OSBPL1A: variants seen among roughly 807,000 people sequenced by gnomAD.
OSBPL1A encodes the protein oxysterol-binding protein-related protein 1.
A neutral mutation model predicts 137.1 loss-of-function variants in OSBPL1A; 80 were observed. The observed-to-expected ratio is 0.58, with a 90% CI of 0.49 to 0.70. The LOEUF is 0.70. Among genes scored for constraint, OSBPL1A ranks in the 30% least tolerant of loss-of-function variants. OSBPL1A has a pLI of 0.00. For synonymous variants in OSBPL1A, 365 were observed against 389.7 expected (o/e 0.94, Z 0.75); for missense variants, 970 against 1,129.4 (o/e 0.86, Z 2.02).
intron 17 of OSBPL1A, among the ~76,000 whole-genome samples, chr18:24,215,460 A>G (rs1306337976): frequency 6.6e-6 from 1 of 152,224 alleles, no homozygotes; most frequent in Non-Finnish European, 1.5e-5. Flanking sequence ...AGGCAAACCA[A>G]CCAACCAACC....
Position 24,178,135 on chromosome 18 carries a change from T to C in OSBPL1A, c.1971A>G (p.Ala657=), listed in dbSNP as rs780965151. The C allele has an allele frequency of 2.5e-6, 4 of 1,611,874 alleles. No individual in the cohort carries two copies. The highest frequency in any genetic ancestry group is 3.4e-6 in the Non-Finnish European group (4 of 1,179,676). The change falls in exon 21 of 28, where the codon GCA becomes GCG. Residue 657 remains alanine, a synonymous_variant. Coordinates refer to ENST00000319481, the MANE Select transcript of OSBPL1A (RefSeq NM_080597.4). ...EQVSHHPPIS[A]FHAEGLNNDF... is the part of the protein sequence containing the mutation. ...CATTGTTTAATCCTTCAGCATGAAA[T>C]GCACTGATTGGTGGGTGATGGCTGA...
chr18:24,377,369 T>C, intron 2 of OSBPL1A, 44 bp downstream of exon 2: 1 of 1,578,998 alleles, frequency 6.3e-7, no homozygotes, highest in Non-Finnish European at 8.6e-7. Flanking sequence ...CTAAGAGTAG[T>C]GCAGACTCAT....
At chr18:24,280,507 T>C (rs2632441) in intron 15 of OSBPL1A, among the ~76,000 whole-genome samples, 84,582 of 152,068 alleles carry the variant, frequency 0.56, 24,721 homozygotes, top group African/African-American at 0.68. Flanking sequence ...TACTCTATTT[T>C]CTAAATAAAA....
At chr18:24,366,724 A>C in intron 4 of OSBPL1A, 168 bp downstream of exon 4, 1 of 526,950 alleles carries the variant, frequency 1.9e-6, no homozygotes. Context: ...ACTGGACCTC[A>C]CTGTCAGACT....
chr18:24,344,038 A>T (rs1319826072), intron 4 of OSBPL1A, among the ~76,000 whole-genome samples: 3 of 152,244 alleles, frequency 2.0e-5, no homozygotes, highest in Non-Finnish European at 4.4e-5. Flanking sequence ...AAATACTTGC[A>T]AATCATGTAT....
intron 15 of OSBPL1A, among the ~76,000 whole-genome samples, chr18:24,247,077 A>G (rs2146021312): frequency 6.6e-6 from 1 of 152,332 alleles, no homozygotes; most frequent in South Asian, 2.1e-4. Flanking sequence ...AAATTAAAAG[A>G]CTAGATAGCA....
intron 15 of OSBPL1A, among the ~76,000 whole-genome samples, chr18:24,250,571 T>A (rs1294001635): frequency 6.6e-6 from 1 of 152,196 alleles, no homozygotes; most frequent in East Asian, 1.9e-4. Context: ...ACCTGCTAAC[T>A]GAAGAGCCTT....
chr18:24,181,274 T>C lies in OSBPL1A; in HGVS notation c.1683A>G (p.Leu561=), dbSNP rs1248138338. ...ATATAACTGGCATCGTGATCTTGGA[T>C]AGTTCCTATTTAACCAGAAAATTGA... ...SILRKCIGME[L]SKITMPVIFN... The change falls in exon 19 of 28, where the codon CTA becomes CTG. Residue 561 remains leucine (L), a synonymous_variant. Coordinates refer to ENST00000319481, the MANE Select transcript of OSBPL1A (RefSeq NM_080597.4). The C allele has an allele frequency of 1.2e-6, 2 of 1,614,050 alleles. No homozygotes were observed. The highest frequency in any genetic ancestry group is 1.1e-5 in the South Asian group (1 of 91,052).
At chr18:24,380,001 G>A (rs2146207697) in intron 1 of OSBPL1A, among the ~76,000 whole-genome samples, 1 of 152,138 alleles carries the variant, frequency 6.6e-6, no homozygotes, top group East Asian at 1.9e-4. Flanking sequence ...TTAGAACTTT[G>A]GTAACAAAAG....
At chr18:24,217,805 AG>A (rs1459658548) in intron 17 of OSBPL1A, among the ~76,000 whole-genome samples, 4 of 152,188 alleles carry the variant, frequency 2.6e-5, no homozygotes, top group Non-Finnish European at 4.4e-5. Context: ...TTGATGTCAT[AG>A]GAAGTACCTA....
intron 14 of OSBPL1A, 141 bp from the exon 15 acceptor site, chr18:24,281,089 T>C (rs2089948829): frequency 7.5e-6 from 4 of 534,962 alleles, no homozygotes; most frequent in Non-Finnish European, 9.3e-6. Flanking sequence ...TTTCTTTTCT[T>C]TTTTTTTGTT....
chr18:24,276,446 G>T (rs183992374), intron 15 of OSBPL1A, among the ~76,000 whole-genome samples: 88 of 152,058 alleles, frequency 5.8e-4, no homozygotes, highest in African/African-American at 2.1e-3. Flanking sequence ...TTTTTTGTTT[G>T]TTTTTTGTTT....
At chr18:24,228,919 G>C (rs530194950) in intron 16 of OSBPL1A, among the ~76,000 whole-genome samples, 1 of 152,300 alleles carries the variant, frequency 6.6e-6, no homozygotes, top group South Asian at 2.1e-4. Context: ...AGCAAACACA[G>C]GCTGGGCGCG....
intron 21 of OSBPL1A, among the ~76,000 whole-genome samples, chr18:24,176,033 C>G (rs1307942678): frequency 2.6e-5 from 4 of 152,250 alleles, no homozygotes; most frequent in Admixed American, 2.6e-4. Flanking sequence ...ACCACACTGT[C>G]TTGATTACAA....
At chr18:24,388,068 G>A (rs1330345502) in intron 1 of OSBPL1A, among the ~76,000 whole-genome samples, 1 of 152,122 alleles carries the variant, frequency 6.6e-6, no homozygotes, top group Non-Finnish European at 1.5e-5. Context: ...AATGTTATAA[G>A]GAAGACAAGT....
chr18:24,235,272 A>G (rs72884814), intron 16 of OSBPL1A, among the ~76,000 whole-genome samples: 39,714 of 151,882 alleles, frequency 0.26, 6,372 homozygotes, highest in Middle Eastern at 0.38. Flanking sequence ...ATGAGAGCTA[A>G]TATCTGCTAG....
chr18:24,192,296 G>A (rs1264947951), intron 18 of OSBPL1A, among the ~76,000 whole-genome samples: 4 of 152,094 alleles, frequency 2.6e-5, no homozygotes, highest in Non-Finnish European at 4.4e-5. Context: ...AGAGGAGGAC[G>A]GAAACAGGGT....
rs1491489795 is a variant in OSBPL1A, at chr18:24,175,107, T to TATATATATATATATATAC, written c.2094-2625_2094-2624insGTATATATATATATATAT. ...TTCATGTGCTTATTTGCCATGTGTA[T>TATATATATATATATATAC]GTATATATATATATATATATATATA... On this transcript the variant is annotated intron_variant, in intron 21 of 27. Transcript: ENST00000319481. Among the ~76,000 whole-genome samples, 26 of 23,180 alleles carry TATATATATATATATATAC rather than the reference T, an allele frequency of 1.1e-3. 2 individuals carry two copies. Among genetic ancestry groups the TATATATATATATATATAC allele is most frequent in the African/African-American group, 2.7e-3 (25 of 9,336 alleles). The allele number at this position is 23,180 out of a possible 152,430, so 15.2% of individuals were successfully genotyped here.
chr18:24,184,771 GCACCCTGCATTCTCACTGCCCC>G (rs771196602), intron 18 of OSBPL1A, among the ~76,000 whole-genome samples: 19 of 151,948 alleles, frequency 1.3e-4, no homozygotes, highest in Non-Finnish European at 2.2e-4. Flanking sequence ...TGCCCCAGAT[GCACCCTGCATTCTCACTGCCCC>G]CACCCTGCAT....
Sources: gnomAD v4.1 joint callset for allele counts (sites outside exome capture counted in the v4.1 genomes callset) on GRCh38, gnomAD v4.1.1 for gene constraint, MANE v1.5 for transcripts, NCBI Gene and HGNC (gene_info 2026-07-23, HGNC 2026-07-21) for gene names.